Variants in CADM2 observed in about 807,000 individuals in gnomAD.
The protein encoded by CADM2 is cell adhesion molecule 2, also known as immunoglobulin superfamily member 4D.
CADM2 carries 12 observed loss-of-function variants against 49.8 expected under a neutral mutation model. The observed-to-expected ratio is 0.24, with a 90% CI of 0.15 to 0.39. The LOEUF (loss-of-function observed/expected upper bound fraction) is 0.39, where lower values mean the gene tolerates loss of function less well. CADM2 is among the 10% of genes least tolerant of loss of function. The pLI is 1.00. For synonymous variants in CADM2, 214 were observed against 175.4 expected (o/e 1.22, Z -1.74); for missense variants, 378 against 492.3 (o/e 0.77, Z 2.20).
At chr3:85,973,328 G>A (rs1326528707) in intron 8 of CADM2, among the ~76,000 whole-genome samples, 2 of 151,654 alleles carry the variant, frequency 1.3e-5, no homozygotes, top group Non-Finnish European at 3.0e-5. Flanking sequence ...GGCCATGCCT[G>A]TGGATAGCCA....
chr3:85,059,648 C>T (rs1424491222), intron 1 of CADM2, among the ~76,000 whole-genome samples: 1 of 152,104 alleles, frequency 6.6e-6, no homozygotes, highest in Non-Finnish European at 1.5e-5. Context: ...TCCTGTACTG[C>T]TCTCATGATA....
At chr3:85,801,789 TA>T (rs1268234322) in intron 2 of CADM2, among the ~76,000 whole-genome samples, 2 of 152,188 alleles carry the variant, frequency 1.3e-5, no homozygotes, top group African/African-American at 4.8e-5. Context: ...TATTTGAATA[TA>T]AATCTTTATG....
chr3:85,061,417 T>A (rs979761718), intron 1 of CADM2, among the ~76,000 whole-genome samples: 1 of 152,198 alleles, frequency 6.6e-6, no homozygotes, highest in East Asian at 1.9e-4. Context: ...ATCCTTTCAA[T>A]GTTTGCTTAT....
chr3:85,762,803 C>A (rs1177129957), intron 2 of CADM2, among the ~76,000 whole-genome samples: 2 of 150,994 alleles, frequency 1.3e-5, no homozygotes, highest in African/African-American at 2.4e-5. Context: ...CCAAAATATC[C>A]CTGTACTTTG....
chr3:85,429,280 A>C (rs1165087487), intron 1 of CADM2, among the ~76,000 whole-genome samples: 8 of 152,040 alleles, frequency 5.3e-5, no homozygotes, highest in African/African-American at 1.9e-4. Context: ...ATTTTATATG[A>C]TGCAACAATA....
chr3:85,094,807 A>G (rs892561073), intron 1 of CADM2, among the ~76,000 whole-genome samples: 4 of 152,184 alleles, frequency 2.6e-5, no homozygotes, highest in Non-Finnish European at 5.9e-5. Context: ...AAGGTTGGAA[A>G]GCCATATTAA....
At chr3:85,525,549 C>T (rs62252465) in intron 1 of CADM2, among the ~76,000 whole-genome samples, 78,006 of 151,652 alleles carry the variant, frequency 0.51, 22,993 homozygotes, top group East Asian at 0.85. Context: ...GAAATATGTT[C>T]CTTGGAGGCA....
At chr3:85,255,304 C>CT (rs1264584546) in intron 1 of CADM2, among the ~76,000 whole-genome samples, 1 of 151,954 alleles carries the variant, frequency 6.6e-6, no homozygotes, top group Non-Finnish European at 1.5e-5. Flanking sequence ...CCAAGGATAT[C>CT]TTTAAATACC....
At chr3:86,065,543 A>G in intron 8 of CADM2, 62 bp from the exon 9 acceptor site, 5 of 1,502,474 alleles carry the variant, frequency 3.3e-6, no homozygotes, top group Non-Finnish European at 4.5e-6. Context: ...ATTCTAATGC[A>G]GTTATGTATT....
chr3:85,320,496 T>C (rs554439748), intron 1 of CADM2, among the ~76,000 whole-genome samples: 1 of 152,212 alleles, frequency 6.6e-6, no homozygotes, highest in African/African-American at 2.4e-5. Context: ...GTCTGATTTC[T>C]GTAGCTGCCG....
chr3:85,432,569 G>C (rs1036983651), intron 1 of CADM2, among the ~76,000 whole-genome samples: 5 of 152,004 alleles, frequency 3.3e-5, no homozygotes, highest in Non-Finnish European at 4.4e-5. Context: ...TCATGTATTG[G>C]AGGAAAAGAT....
intron 1 of CADM2, among the ~76,000 whole-genome samples, chr3:85,176,530 T>G (rs993029586): frequency 1.3e-5 from 2 of 152,188 alleles, no homozygotes; most frequent in African/African-American, 4.8e-5. Flanking sequence ...TATAATTTTC[T>G]AAAACTGAAG....
At chr3:85,608,152 T>C (rs1222869225) in intron 1 of CADM2, among the ~76,000 whole-genome samples, 1 of 152,158 alleles carries the variant, frequency 6.6e-6, no homozygotes, top group Non-Finnish European at 1.5e-5. Flanking sequence ...GTTTAGTTAA[T>C]TTTAGTTTAC....
chr3:85,485,219 T>C (rs554948414), intron 1 of CADM2, among the ~76,000 whole-genome samples: 17 of 152,060 alleles, frequency 1.1e-4, no homozygotes, highest in Non-Finnish European at 1.8e-4. Flanking sequence ...GTACCTTTTA[T>C]TCACCAATAT....
intron 5 of CADM2, among the ~76,000 whole-genome samples, chr3:85,902,694 G>C (rs989190235): frequency 1.1e-4 from 16 of 151,156 alleles, no homozygotes; most frequent in African/African-American, 3.9e-4. Flanking sequence ...TTAAATTCCT[G>C]TAAAAATTTT....
intron 1 of CADM2, among the ~76,000 whole-genome samples, chr3:85,343,466 C>G (rs1213134181): frequency 2.6e-5 from 4 of 152,140 alleles, no homozygotes; most frequent in Admixed American, 2.6e-4. Flanking sequence ...GAATACCATA[C>G]TTTACAGCAT....
chr3:86,055,000 AG>A (rs1261896572), intron 8 of CADM2, among the ~76,000 whole-genome samples: 9 of 152,270 alleles, frequency 5.9e-5, no homozygotes, highest in African/African-American at 2.2e-4. Flanking sequence ...AACAGCTCCA[AG>A]AGAGAAAGAC....
chr3:85,405,477 T>C (rs377648483), intron 1 of CADM2, among the ~76,000 whole-genome samples: 4 of 152,232 alleles, frequency 2.6e-5, no homozygotes, highest in South Asian at 2.1e-4. Flanking sequence ...AACTCATTAG[T>C]CAAGCCAAAC....
At chr3:85,452,549 A>G (rs1190682513) in intron 1 of CADM2, among the ~76,000 whole-genome samples, 5 of 152,212 alleles carry the variant, frequency 3.3e-5, no homozygotes, top group Non-Finnish European at 5.9e-5. Context: ...ACGCTGTTGT[A>G]TAAGGCAATT....
Sources: allele counts gnomAD v4.1 joint callset (sites outside exome capture counted in the v4.1 genomes callset), GRCh38; gene constraint gnomAD v4.1.1; transcripts MANE v1.5; gene names NCBI Gene and HGNC (gene_info 2026-07-23, HGNC 2026-07-21).